The following CNTLN variants were observed in gnomAD, a reference collection of about 807,000 sequenced individuals.
CNTLN encodes centlein.
In CNTLN, 212 loss-of-function variants were observed where a neutral mutation model predicts 180.0. The observed-to-expected ratio is 1.18, with a 90% CI of 1.05 to 1.32. The LOEUF is 1.32. CNTLN is among the 40% of genes most tolerant of loss of function. CNTLN has a pLI of 0.00. For synonymous variants in CNTLN, 722 were observed against 563.1 expected, an observed-to-expected ratio of 1.28 and a Z score of -3.99; for missense variants, 2,095 against 1,610.9, an observed-to-expected ratio of 1.30 and a Z score of -5.14.
intron 18 of CNTLN, among the ~76,000 whole-genome samples, chr9:17,437,293 A>T (rs1332228629): frequency 6.6e-6 from 1 of 152,202 alleles, no homozygotes; most frequent in Non-Finnish European, 1.5e-5. Context: ...ACCACTTGGA[A>T]CACTGTATAC....
the CNTLN span, among the ~76,000 whole-genome samples, chr9:17,520,735 A>G: frequency 3.3e-5 from 5 of 152,256 alleles, no homozygotes; most frequent in African/African-American, 7.2e-5. Flanking sequence ...TAAGAGCAAA[A>G]TATCAGCTGA....
In CNTLN at chr9:17,415,848, CAA is replaced by C; in HGVS notation, c.2860_2861del (p.Lys954GlufsTer9). ...TTTTCAAAAGAAGAATTGCAAGATGCAAAAGAGTTCACATACAGCAGTTCCTA... is the reference window on the plus strand; with the variant it reads ...TTTTCAAAAGAAGAATTGCAAGATGCAAGAGTTCACATACAGCAGTTCCTA... ...PTFQKKNCKM[Q>X]KSSHTAVPTR... is the part of the protein sequence containing the mutation. On this transcript the variant is annotated frameshift_variant, in exon 17 of 26. Coordinates refer to ENST00000380647, the MANE Select transcript of CNTLN (RefSeq NM_017738.4). LOFTEE classifies it high-confidence loss of function. 1.9e-6 allele frequency: 3 copies of C among 1,612,482 alleles called. No individual in the cohort carries two copies. The highest frequency in any genetic ancestry group is 2.5e-6 in the Non-Finnish European group (3 of 1,179,222).
chr9:17,337,612 T>G (rs115537998), intron 10 of CNTLN, among the ~76,000 whole-genome samples: 2,414 of 152,280 alleles, frequency 0.016, 67 homozygotes, highest in African/African-American at 0.055. Flanking sequence ...CATATGGAGC[T>G]CAGGAGATTT....
Position 17,340,868 on chromosome 9 carries a change from C to T in CNTLN, c.1686C>T (p.Arg562=). ...AGCTAAGAGATGCCCATGAAAAACGCAAGGAACGGCTACAGATGTTACAGA... is the reference window on the plus strand; with the variant it reads ...AGCTAAGAGATGCCCATGAAAAACGTAAGGAACGGCTACAGATGTTACAGA... The part of the protein sequence containing the change: ...NDELRDAHEK[R]KERLQMLQTN... Residue 562 remains arginine (R), a synonymous_variant, in exon 11 of 26, where the codon CGC becomes CGT. Coordinates refer to ENST00000380647, the MANE Select transcript of CNTLN (RefSeq NM_017738.4). The T allele has an allele frequency of 2.5e-6, 4 of 1,611,876 alleles. No individual in the cohort carries two copies. Among genetic ancestry groups the T allele is most frequent in the Non-Finnish European group, 3.4e-6 (4 of 1,178,836 alleles).
intron 12 of CNTLN, among the ~76,000 whole-genome samples, chr9:17,355,328 G>A (rs1201435309): frequency 6.6e-6 from 1 of 152,160 alleles, no homozygotes; most frequent in Non-Finnish European, 1.5e-5. Flanking sequence ...CCCAGCCATA[G>A]TTCTTTACAT....
chr9:17,374,319 G>A (rs969232286), intron 13 of CNTLN, among the ~76,000 whole-genome samples: 9 of 152,058 alleles, frequency 5.9e-5, no homozygotes, highest in Non-Finnish European at 1.0e-4. Context: ...GTGAGTAGAC[G>A]TTTCTCAAAA....
chr9:17,268,538 G>A (rs1827680474), intron 5 of CNTLN, among the ~76,000 whole-genome samples: 1 of 152,174 alleles, frequency 6.6e-6, no homozygotes, highest in Non-Finnish European at 1.5e-5. Flanking sequence ...CTAGCCGCGT[G>A]CTGCGAGAAC....
chr9:17,273,754 G>T lies in CNTLN; in HGVS notation c.871G>T (p.Glu291Ter). The change falls in exon 6 of 26, where the codon GAA (glutamate) becomes TAA (stop). Residue 291 changes from glutamate (E) to a stop codon, truncating the protein, a stop_gained. Coordinates refer to ENST00000380647, the MANE Select transcript of CNTLN (RefSeq NM_017738.4). LOFTEE classifies it high-confidence loss of function. The stretch of plus-strand genomic sequence containing the variant: ...TTAGACCTTTGAAGACAATTTAATT[G>T]AAGCAAGGAAAGAAGTTGAAGTATC... ...KIKTFEDNLI[E>*]ARKEVEVSQS... The T allele has an allele frequency of 6.5e-7, 1 of 1,533,452 alleles. No individual in the cohort carries two copies. 95.0% of individuals were successfully genotyped at this position (1,533,452 alleles called of 1,614,324 possible). A position where few individuals can be genotyped will look rare whatever the true frequency, so the allele number is the denominator to read the frequency against.
Position 17,497,862 on chromosome 9 carries a change from G to A in CNTLN, c.4120-4689G>A, listed in dbSNP as rs184207629. On this transcript the variant is annotated intron_variant, in intron 25 of 25. Transcript: ENST00000380647. ...AGATAACAGAGTGGATGCTAACGACGCAGATTTGTGTGTGTGCTTGTATGT... is the reference window on the plus strand; with the variant it reads ...AGATAACAGAGTGGATGCTAACGACACAGATTTGTGTGTGTGCTTGTATGT... 7.9e-5 allele frequency among the ~76,000 whole-genome samples: 12 copies of A among 152,204 alleles called. No homozygotes were observed. The East Asian group carries it at 1.5e-3, about 20-fold the overall frequency.
intron 8 of CNTLN, among the ~76,000 whole-genome samples, chr9:17,329,654 C>T (rs143444274): frequency 0.013 from 1,897 of 151,726 alleles, 49 homozygotes; most frequent in African/African-American, 0.043. Context: ...TGCGTATCCT[C>T]TCAAAAAAGA....
intron 11 of CNTLN, 101 bp from the exon 12 acceptor site, chr9:17,342,224 A>AT (rs1821536830): frequency 4.3e-6 from 5 of 1,164,108 alleles, no homozygotes. Flanking sequence ...CGAGTTAGAA[A>AT]TTTGGTCAAT....
chr9:17,445,320 A>G (rs1447918749), intron 18 of CNTLN, among the ~76,000 whole-genome samples: 1 of 152,144 alleles, frequency 6.6e-6, no homozygotes, highest in Admixed American at 6.5e-5. Flanking sequence ...AGACTTAGAT[A>G]CGGTACAACC....
At chr9:17,274,600 C>G (rs975777419) in intron 6 of CNTLN, among the ~76,000 whole-genome samples, 1 of 151,874 alleles carries the variant, frequency 6.6e-6, no homozygotes, top group African/African-American at 2.4e-5. Flanking sequence ...ATTTTGGTAG[C>G]ACCAGAGCAT....
rs554909332 is a variant in CNTLN, at chr9:17,477,230, C to T, written c.3856-7065C>T. Among the ~76,000 whole-genome samples the T allele has an allele frequency of 2.0e-4, 31 of 152,300 alleles. No homozygotes were observed. In the East Asian group the frequency reaches 4.2e-3, roughly 21 times the overall value. On this transcript the variant is annotated intron_variant, in intron 23 of 25. Transcript: ENST00000380647. ...AAAATATTGCTGCTCATTGACAATG[C>T]ACCTAGTCACCCAAGAGCTTTGATG...
intron 5 of CNTLN, among the ~76,000 whole-genome samples, chr9:17,240,187 AT>A (rs1399990283): frequency 6.6e-6 from 1 of 152,214 alleles, no homozygotes; most frequent in South Asian, 2.1e-4. Context: ...GGGTAAATGT[AT>A]TCCTGAATAT....
chr9:17,299,858 C>T, intron 7 of CNTLN: 2 of 931,166 alleles, frequency 2.1e-6, no homozygotes, highest in Non-Finnish European at 2.6e-6. Flanking sequence ...TTTTTTTCCC[C>T]TCTTGGCTTC....
At chr9:17,167,155 G>T in intron 2 of CNTLN, 1 of 192,260 alleles carries the variant, frequency 5.2e-6, no homozygotes, top group Non-Finnish European at 1.1e-5. Context: ...TTTTAAAAAA[G>T]GTAAAAGAGC....
At chr9:17,487,199 A>G in intron 25 of CNTLN, 133 bp downstream of exon 25, 1 of 680,766 alleles carries the variant, frequency 1.5e-6, no homozygotes, top group South Asian at 1.7e-5. Context: ...GTATTCCAAT[A>G]GGTAGAAAGG....
intron 24 of CNTLN, among the ~76,000 whole-genome samples, chr9:17,485,681 G>A (rs995079929): frequency 3.9e-5 from 6 of 152,030 alleles, no homozygotes; most frequent in Non-Finnish European, 8.8e-5. Flanking sequence ...CACAGATTTA[G>A]CACAGTGTCT....
Sources: gnomAD v4.1 joint callset for allele counts (sites outside exome capture counted in the v4.1 genomes callset) on GRCh38, gnomAD v4.1.1 for gene constraint, MANE v1.5 for transcripts, NCBI Gene and HGNC (gene_info 2026-07-23, HGNC 2026-07-21) for gene names.